FRMD3: variants seen among roughly 807,000 people sequenced by gnomAD.
FRMD3 encodes the protein FERM domain containing 3.
Under a neutral mutation model 70.2 loss-of-function variants are expected in FRMD3, and 33 were observed. The ratio of observed to expected loss-of-function variants is 0.47; its 90% CI spans 0.36 to 0.63. The LOEUF (loss-of-function observed/expected upper bound fraction) is 0.63. Among genes scored for constraint, FRMD3 ranks in the 20% least tolerant of loss-of-function variants. The pLI is 0.00. For missense variants in FRMD3, 632 were observed against 711.4 expected (o/e 0.89, Z 1.27); for synonymous variants, 279 against 255.9 (o/e 1.09, Z -0.86).
chr9:83,406,542 A>T (rs182918364), intron 1 of FRMD3, among the ~76,000 whole-genome samples: 1 of 152,370 alleles, frequency 6.6e-6, no homozygotes, highest in Non-Finnish European at 1.5e-5. Flanking sequence ...TAAAGAGCTC[A>T]GGAAAGGAAG....
chr9:83,504,339 C>G lies in FRMD3; in HGVS notation c.147+33746G>C, dbSNP rs574516441. The stretch of plus-strand genomic sequence containing the variant: ...CTCTTCTCTCCCTAGGGCCTATTCT[C>G]AACAGAGCAAGTGCATGATCCTCTT... On this transcript the variant is annotated intron_variant, in intron 1 of 13. Coordinates refer to ENST00000304195, the MANE Select transcript of FRMD3 (RefSeq NM_174938.6). Among the ~76,000 whole-genome samples, 8 of 152,288 alleles carry G rather than the reference C, an allele frequency of 5.3e-5. No homozygotes were observed. The South Asian group carries it at 1.5e-3, about 28-fold the overall frequency.
chr9:83,451,831 C>CTAACAATT (rs1032984342), intron 1 of FRMD3, among the ~76,000 whole-genome samples: 23 of 152,154 alleles, frequency 1.5e-4, no homozygotes, highest in Admixed American at 2.6e-4. Context: ...TATTAATAAT[C>CTAACAATT]TAACAATTTA....
intron 1 of FRMD3, among the ~76,000 whole-genome samples, chr9:83,490,728 T>TA (rs1434881738): frequency 6.6e-6 from 1 of 151,286 alleles, no homozygotes; most frequent in African/African-American, 2.4e-5. Flanking sequence ...ACTGATAGAT[T>TA]AAATAGCTTA....
In FRMD3 at chr9:83,441,753, C is replaced by A. The variant is rs75054302; in HGVS notation, c.148-52045G>T. ...AAACAAACACACACATTAACCCTCC[C>A]TCGGTTGTTATCTGCGGACGCCACC... On this transcript the variant is annotated intron_variant, in intron 1 of 13. Transcript: ENST00000304195. 5.3e-3 allele frequency among the ~76,000 whole-genome samples: 805 copies of A among 152,252 alleles called. 15 individuals carry two copies. The East Asian group carries it at 0.057, about 11-fold the overall frequency.
chr9:83,303,062 G>A (rs562666111), intron 10 of FRMD3, among the ~76,000 whole-genome samples: 19 of 152,254 alleles, frequency 1.2e-4, no homozygotes, highest in African/African-American at 4.6e-4. Flanking sequence ...TATTCCAGGG[G>A]CTTGAAGATC....
chr9:83,502,353 G>C (rs571037171), intron 1 of FRMD3, among the ~76,000 whole-genome samples: 1 of 152,336 alleles, frequency 6.6e-6, no homozygotes, highest in African/African-American at 2.4e-5. Context: ...TGACGTGCCA[G>C]GTGCCTGCTA....
At chr9:83,443,916 T>G (rs1318726927) in intron 1 of FRMD3, among the ~76,000 whole-genome samples, 1 of 152,254 alleles carries the variant, frequency 6.6e-6, no homozygotes, top group Non-Finnish European at 1.5e-5. Flanking sequence ...TTCAAAATCA[T>G]GGAAGGAGAC....
In FRMD3 at chr9:83,310,498, C is replaced by G. The variant is rs367835279; in HGVS notation, c.824G>C (p.Gly275Ala). Residue 275 changes from glycine (G) to alanine (A), a missense_variant, in exon 9 of 14, where the codon GGC becomes GCC. Physicochemically the swap from Gly to Ala is moderately conservative, Grantham distance 60 (BLOSUM62 0). This residue lies in a region of FRMD3 where 418 missense variants were observed against 442.1 expected (regional missense o/e 0.95). Coordinates refer to ENST00000304195, the MANE Select transcript of FRMD3 (RefSeq NM_174938.6). ...KFEGKTFYVIGTQKEKKAMLA... is the reference protein window; with the variant it reads ...KFEGKTFYVIATQKEKKAMLA... ...GCAGTATCTGACCTCCTTCTGGGTG[C>G]CAATCACATAAAATGTCTTCCCTTC... 24 of 1,606,900 alleles carry G rather than the reference C, an allele frequency of 1.5e-5. 1 individual carries two copies. The African/African-American group carries it at 3.1e-4, about 21-fold the overall frequency.
chr9:83,322,721 G>A (rs1164253068), intron 6 of FRMD3, among the ~76,000 whole-genome samples: 1 of 152,162 alleles, frequency 6.6e-6, no homozygotes, highest in Admixed American at 6.5e-5. Flanking sequence ...GATCCCTGGA[G>A]GTTTCTCTCT....
At chr9:83,436,683 A>T (rs1044546080) in intron 1 of FRMD3, among the ~76,000 whole-genome samples, 3 of 152,034 alleles carry the variant, frequency 2.0e-5, no homozygotes, top group African/African-American at 7.2e-5. Flanking sequence ...ACAAAAATAC[A>T]ATTTTGCTTT....
intron 1 of FRMD3, among the ~76,000 whole-genome samples, chr9:83,441,718 T>C (rs187339323): frequency 1.1e-4 from 17 of 152,326 alleles, no homozygotes; most frequent in South Asian, 1.0e-3. Flanking sequence ...ATTGCCATTT[T>C]CCTGGGCAAA....
chr9:83,369,746 A>C (rs1048682156), intron 3 of FRMD3, among the ~76,000 whole-genome samples: 1 of 152,106 alleles, frequency 6.6e-6, no homozygotes, highest in South Asian at 2.1e-4. Flanking sequence ...AAATATATAG[A>C]GATTGATCTC....
chr9:83,476,743 A>T (rs1828408015), intron 1 of FRMD3, among the ~76,000 whole-genome samples: 1 of 152,234 alleles, frequency 6.6e-6, no homozygotes, highest in African/African-American at 2.4e-5. Flanking sequence ...GCATCAGAAC[A>T]TAACATGGGT....
chr9:83,363,326 A>G (rs2131230092), intron 3 of FRMD3, among the ~76,000 whole-genome samples: 1 of 152,256 alleles, frequency 6.6e-6, no homozygotes, highest in South Asian at 2.1e-4. Context: ...ACTCAACAAT[A>G]TGTCTATAAG....
chr9:83,448,422 T>G (rs1827543647), intron 1 of FRMD3, among the ~76,000 whole-genome samples: 1 of 152,114 alleles, frequency 6.6e-6, no homozygotes, highest in Admixed American at 6.6e-5. Flanking sequence ...TGAATATAGT[T>G]CCGTGGCAGC....
At chr9:83,550,132 T>A in the FRMD3 span, among the ~76,000 whole-genome samples, 1 of 152,182 alleles carries the variant, frequency 6.6e-6, no homozygotes, top group African/African-American at 2.4e-5. Flanking sequence ...TTAGATATGA[T>A]GTAAGGAATG....
At chr9:83,527,104 T>C in intron 1 of FRMD3, among the ~76,000 whole-genome samples, 1 of 152,092 alleles carries the variant, frequency 6.6e-6, no homozygotes, top group East Asian at 1.9e-4. Context: ...TTATACACAA[T>C]GACTTGTTTG....
intron 10 of FRMD3, 31 bp from the exon 11 acceptor site, chr9:83,299,217 G>C (rs761938334): frequency 5.4e-6 from 8 of 1,492,366 alleles, no homozygotes; most frequent in Non-Finnish European, 7.4e-6. Context: ...CAGGTGGTTA[G>C]GACATTGGAA....
intron 1 of FRMD3, among the ~76,000 whole-genome samples, chr9:83,496,646 TA>T (rs11329291): frequency 0.61 from 92,873 of 151,108 alleles, 29,163 homozygotes; most frequent in African/African-American, 0.74. Flanking sequence ...GAAAGCAGAT[TA>T]AAAAAAAAAT....
Sources: allele counts gnomAD v4.1 joint callset (sites outside exome capture counted in the v4.1 genomes callset), GRCh38; gene constraint gnomAD v4.1.1; regional missense constraint gnomAD v4.1.1; transcripts MANE v1.5; gene names NCBI Gene and HGNC (gene_info 2026-07-23, HGNC 2026-07-21).